Variants in MAP3K2 observed in about 807,000 individuals in gnomAD.
The protein encoded by MAP3K2 is MAP/ERK kinase kinase 2.
A neutral mutation model predicts 80.3 loss-of-function variants in MAP3K2; 24 were observed. That is an observed-to-expected ratio of 0.30 (90% CI 0.22 to 0.42). The LOEUF (loss-of-function observed/expected upper bound fraction) is 0.42. MAP3K2 is among the 10% of genes least tolerant of loss of function. The pLI is 1.00. For missense variants in MAP3K2, 608 were observed against 750.1 expected (o/e 0.81, Z 2.21); for synonymous variants, 244 against 253.7 (o/e 0.96, Z 0.36).
intron 1 of MAP3K2, among the ~76,000 whole-genome samples, chr2:127,369,486 A>C (rs1156833187): frequency 6.7e-6 from 1 of 148,840 alleles, no homozygotes; most frequent in Non-Finnish European, 1.5e-5. Context: ...AAAAAAAAAA[A>C]AAAAAAAAAC....
intron 12 of MAP3K2, among the ~76,000 whole-genome samples, chr2:127,320,623 G>C (rs1242845218): frequency 6.6e-6 from 1 of 152,104 alleles, no homozygotes. Flanking sequence ...TAAACTGAAA[G>C]AACACCAGCT....
chr2:127,375,468 G>A (rs1269757774), intron 1 of MAP3K2, among the ~76,000 whole-genome samples: 1 of 150,920 alleles, frequency 6.6e-6, no homozygotes, highest in African/African-American at 2.4e-5. Context: ...GGAGTGCAGT[G>A]GTGCGATCTG....
At chr2:127,312,322 T>C (rs1196195656) in intron 15 of MAP3K2, among the ~76,000 whole-genome samples, 1 of 152,234 alleles carries the variant, frequency 6.6e-6, no homozygotes, top group East Asian at 1.9e-4. Flanking sequence ...GTTGGTTCCC[T>C]AGCAATATAA....
At chr2:127,356,014 A>G (rs1464804622) in intron 1 of MAP3K2, among the ~76,000 whole-genome samples, 1 of 152,098 alleles carries the variant, frequency 6.6e-6, no homozygotes, top group Non-Finnish European at 1.5e-5. Context: ...TCATCCATCC[A>G]AGTTTTATGA....
At chr2:127,340,299 T>A (rs963171849) in intron 2 of MAP3K2, among the ~76,000 whole-genome samples, 6 of 152,204 alleles carry the variant, frequency 3.9e-5, no homozygotes, top group African/African-American at 1.4e-4. Flanking sequence ...ACAATAGATG[T>A]ACCCATCAAT....
At chr2:127,324,342 G>GT (rs1686088811) in intron 9 of MAP3K2, 101 bp from the exon 10 acceptor site, 2 of 658,940 alleles carry the variant, frequency 3.0e-6, no homozygotes, top group East Asian at 5.8e-5. Flanking sequence ...CTCTCTGTAT[G>GT]TGTTTGTGTA....
chr2:127,349,446 C>T (rs535588787), intron 1 of MAP3K2, among the ~76,000 whole-genome samples: 2 of 152,122 alleles, frequency 1.3e-5, no homozygotes, highest in South Asian at 4.1e-4. Context: ...GATTACAGGC[C>T]ATCCAGCCTG....
Position 127,299,497 on chromosome 2 carries a change from A to G in MAP3K2, c.*8082T>C, listed in dbSNP as rs560465499. 1 of 152,352 alleles carries G rather than the reference A, an allele frequency of 6.6e-6. No homozygotes were observed. The highest frequency in any genetic ancestry group is 1.9e-4 in the East Asian group (1 of 5,192). The allele number at this position is 152,352 out of a possible 1,614,324, so 9.4% of individuals were successfully genotyped here. A position where few individuals can be genotyped will look rare whatever the true frequency, so the allele number is the denominator to read the frequency against. ...TCAAAGACAACAGTAGGACAGGCCA[A>G]TAGCAACTGGAGATAGAAAAATCTT... On this transcript the variant is annotated 3_prime_UTR_variant, in exon 17 of 17. Coordinates refer to ENST00000682094, the MANE Select transcript of MAP3K2 (RefSeq NM_001371910.2).
At chr2:127,318,092 A>G in intron 13 of MAP3K2, 77 bp downstream of exon 13, 1 of 1,109,468 alleles carries the variant, frequency 9.0e-7, no homozygotes, top group Non-Finnish European at 1.2e-6. Flanking sequence ...TTAGAATGGA[A>G]GGGGCTTAAT....
intron 6 of MAP3K2, 66 bp from the exon 7 acceptor site, chr2:127,330,074 C>G (rs1413318773): frequency 1.1e-6 from 1 of 899,358 alleles, no homozygotes; most frequent in Non-Finnish European, 1.8e-6. Context: ...AATCCTCTCC[C>G]CTACCAAGTA....
At chr2:127,366,852 T>C (rs1355828332) in intron 1 of MAP3K2, among the ~76,000 whole-genome samples, 5 of 143,820 alleles carry the variant, frequency 3.5e-5, no homozygotes, top group Admixed American at 1.4e-4. Flanking sequence ...TACTAAGCTG[T>C]CCCACAGTCA....
In MAP3K2 at chr2:127,367,304, ACTGT is replaced by A. The variant is rs973130121; in HGVS notation, c.-66+20144_-66+20147del. ...TGAGCAACTAAGAAGTTTTGTAAAT[ACTGT>A]CTGACATATGTATATTATACAATAA... On this transcript the variant is annotated intron_variant, in intron 1 of 16. Transcript: ENST00000682094. Among the ~76,000 whole-genome samples, 44 of 152,302 alleles carry A rather than the reference ACTGT, an allele frequency of 2.9e-4. No homozygotes were observed. The Middle Eastern group carries it at 0.014, about 47-fold the overall frequency.
chr2:127,325,649 C>T, intron 9 of MAP3K2, 79 bp downstream of exon 9: 1 of 1,147,562 alleles, frequency 8.7e-7, no homozygotes, highest in Non-Finnish European at 1.3e-6. Flanking sequence ...ATTCACGCCA[C>T]TGCGCTCCAG....
At chr2:127,359,534 A>T (rs568904422) in intron 1 of MAP3K2, among the ~76,000 whole-genome samples, 1 of 152,186 alleles carries the variant, frequency 6.6e-6, no homozygotes, top group Non-Finnish European at 1.5e-5. Flanking sequence ...TCACTTCAGA[A>T]ATGTTCGACA....
intron 1 of MAP3K2, among the ~76,000 whole-genome samples, chr2:127,351,017 T>C (rs540066927): frequency 2.6e-5 from 4 of 152,228 alleles, no homozygotes; most frequent in African/African-American, 9.6e-5. Flanking sequence ...CAAATCTCAA[T>C]TGAGAAATAG....
intron 11 of MAP3K2, among the ~76,000 whole-genome samples, chr2:127,323,521 CA>C (rs1436729644): frequency 1.3e-5 from 2 of 151,918 alleles, no homozygotes; most frequent in African/African-American, 4.8e-5. Context: ...ACTGTCTCTA[CA>C]AAAAAAATTT....
At chr2:127,350,088 C>T (rs375645644) in intron 1 of MAP3K2, among the ~76,000 whole-genome samples, 30 of 151,938 alleles carry the variant, frequency 2.0e-4, no homozygotes, top group Admixed American at 2.6e-4. Context: ...CCCCACTGTA[C>T]GGCTGAGGAA....
At chr2:127,359,780 T>G (rs995327119) in intron 1 of MAP3K2, among the ~76,000 whole-genome samples, 1 of 152,184 alleles carries the variant, frequency 6.6e-6, no homozygotes, top group African/African-American at 2.4e-5. Flanking sequence ...TTCCTCCTGC[T>G]CTGGCCATGT....
At chr2:127,343,237 G>C (rs1686534092) in intron 1 of MAP3K2, 43 bp from the exon 2 acceptor site, 1 of 736,938 alleles carries the variant, frequency 1.4e-6, no homozygotes, top group Admixed American at 3.1e-5. Context: ...AAAAGAAACA[G>C]AAAAGGAGCC....
Sources: gnomAD v4.1 joint callset for allele counts (sites outside exome capture counted in the v4.1 genomes callset) on GRCh38, gnomAD v4.1.1 for gene constraint, MANE v1.5 for transcripts, NCBI Gene and HGNC (gene_info 2026-07-23, HGNC 2026-07-21) for gene names.